RNF150: variants seen among roughly 807,000 people sequenced by gnomAD.
RNF150 encodes the protein ring finger protein 150.
Under a neutral mutation model 39.3 loss-of-function variants are expected in RNF150, and 24 were observed. The ratio of observed to expected loss-of-function variants is 0.61; its 90% CI spans 0.44 to 0.86. The LOEUF is 0.86. RNF150 is among the 40% of genes least tolerant of loss of function. The pLI is 0.00. For missense variants in RNF150, 502 were observed against 587.8 expected, an observed-to-expected ratio of 0.85 and a Z score of 1.51; for synonymous variants, 255 against 227.3, an observed-to-expected ratio of 1.12 and a Z score of -1.10.
chr4:141,092,438 T>C (rs373893084), intron 1 of RNF150, among the ~76,000 whole-genome samples: 21 of 152,328 alleles, frequency 1.4e-4, no homozygotes, highest in African/African-American at 4.1e-4. Context: ...AAAATTTGTA[T>C]TCATCACCTT....
chr4:140,888,833 T>C (rs1050243327), intron 6 of RNF150, among the ~76,000 whole-genome samples: 2 of 152,218 alleles, frequency 1.3e-5, no homozygotes, highest in Admixed American at 6.5e-5. Flanking sequence ...CATCCCTATT[T>C]CTGGCTCAAA....
At chr4:141,191,486 A>G (rs1446368382) in intron 1 of RNF150, among the ~76,000 whole-genome samples, 1 of 152,194 alleles carries the variant, frequency 6.6e-6, no homozygotes, top group Non-Finnish European at 1.5e-5. Context: ...TTGGGATAAC[A>G]CTTAGTATCT....
At chr4:140,952,011 A>C (rs932625267) in intron 2 of RNF150, among the ~76,000 whole-genome samples, 3 of 150,324 alleles carry the variant, frequency 2.0e-5, no homozygotes, top group Non-Finnish European at 4.4e-5. Context: ...AAGGGAAATA[A>C]TTTTTTTTTT....
intron 1 of RNF150, among the ~76,000 whole-genome samples, chr4:141,035,378 C>G (rs568461720): frequency 6.6e-6 from 1 of 152,174 alleles, no homozygotes; most frequent in Admixed American, 6.6e-5. Flanking sequence ...CAACATCAGG[C>G]ATGCAGTGTC....
intron 1 of RNF150, among the ~76,000 whole-genome samples, chr4:141,103,261 T>C (rs1255541197): frequency 1.3e-5 from 2 of 152,248 alleles, no homozygotes; most frequent in East Asian, 1.9e-4. Context: ...AAAATTGTTA[T>C]AGATCCTCAT....
chr4:141,201,570 CT>C (rs1728293105), intron 1 of RNF150, among the ~76,000 whole-genome samples: 5 of 152,156 alleles, frequency 3.3e-5, no homozygotes, highest in Admixed American at 2.6e-4. Context: ...ATTTTTCTCT[CT>C]GGATGTGCCA....
chr4:141,027,914 TTTTTTTTTTTTG>T (rs1391321799), intron 1 of RNF150, among the ~76,000 whole-genome samples: 1 of 54,004 alleles, frequency 1.9e-5, no homozygotes, highest in Non-Finnish European at 3.7e-5. Flanking sequence ...TGGAATTTGT[TTTTTTTTTTTTG>T]TTTTTTTTTT....
At chr4:140,919,518 C>T (rs201524904) in intron 5 of RNF150, among the ~76,000 whole-genome samples, 81,958 of 138,108 alleles carry the variant, frequency 0.59, 22,488 homozygotes, top group East Asian at 0.89. Flanking sequence ...TACAAACCAC[C>T]CCTCAATGAA....
At chr4:141,078,552 G>A (rs1737994266) in intron 1 of RNF150, among the ~76,000 whole-genome samples, 3 of 151,734 alleles carry the variant, frequency 2.0e-5, no homozygotes, top group Admixed American at 6.6e-5. Flanking sequence ...GGGAGGTCAA[G>A]GTGGGCAGAT....
intron 2 of RNF150, among the ~76,000 whole-genome samples, chr4:140,952,000 A>C (rs922647165): frequency 1.3e-5 from 2 of 152,076 alleles, no homozygotes; most frequent in Non-Finnish European, 2.9e-5. Context: ...GATTATACTC[A>C]AAGGGAAATA....
intron 1 of RNF150, among the ~76,000 whole-genome samples, chr4:141,043,337 C>T (rs1436896956): frequency 6.6e-6 from 1 of 152,168 alleles, no homozygotes; most frequent in East Asian, 1.9e-4. Flanking sequence ...CCAGTCCATA[C>T]CTAGATGACA....
chr4:141,198,178 A>T (rs1350767016), intron 1 of RNF150, among the ~76,000 whole-genome samples: 1 of 151,580 alleles, frequency 6.6e-6, no homozygotes, highest in Non-Finnish European at 1.5e-5. Flanking sequence ...GGTGTGCACC[A>T]CTAATCCAAG....
chr4:141,164,183 C>T (rs967863807), intron 1 of RNF150, among the ~76,000 whole-genome samples: 1 of 149,758 alleles, frequency 6.7e-6, no homozygotes, highest in Non-Finnish European at 1.5e-5. Flanking sequence ...CTGAATTGAT[C>T]AAGCAGAAGA....
At chr4:140,934,117 T>C (rs1407546587) in intron 4 of RNF150, among the ~76,000 whole-genome samples, 2 of 152,196 alleles carry the variant, frequency 1.3e-5, no homozygotes, top group Non-Finnish European at 2.9e-5. Context: ...TTCAAGTGTT[T>C]CTCCCACATT....
At chr4:141,089,085 G>A (rs1738475819) in intron 1 of RNF150, among the ~76,000 whole-genome samples, 1 of 152,128 alleles carries the variant, frequency 6.6e-6, no homozygotes, top group African/African-American at 2.4e-5. Context: ...TGGCCCAGAG[G>A]CCCTCAGAAA....
intron 1 of RNF150, among the ~76,000 whole-genome samples, chr4:141,166,649 GA>G (rs778005916): frequency 1.3e-5 from 2 of 152,014 alleles, no homozygotes; most frequent in Non-Finnish European, 2.9e-5. Context: ...ATATGCAAAT[GA>G]ATAAACATAA....
rs562037816 is a variant in RNF150, at chr4:141,132,129, A to G, written c.484+196T>C. ...CAAGCTCTCCGGCAGCCTCTCCCCT[A>G]CCCAATACAGTTAATCTTCTCCTCT... On this transcript the variant is annotated intron_variant, in intron 1 of 6. Coordinates refer to ENST00000515673, the MANE Select transcript of RNF150 (RefSeq NM_020724.2). The surrounding 1 kb of genome is among the most constrained non-coding windows in gnomAD (Gnocchi z 4.9). Among the ~76,000 whole-genome samples the G allele has an allele frequency of 6.6e-6, 1 of 152,036 alleles. No homozygotes were observed. Among genetic ancestry groups the G allele is most frequent in the East Asian group, 1.9e-4 (1 of 5,160 alleles).
rs181338745 is a variant in RNF150, at chr4:141,009,928, T to C, written c.485-42055A>G. Among the ~76,000 whole-genome samples the C allele has an allele frequency of 3.2e-3, 486 of 152,304 alleles. 2 individuals are homozygous for C. The highest frequency in any genetic ancestry group is 0.011 in the African/African-American group (468 of 41,550). On this transcript the variant is annotated intron_variant, in intron 1 of 6. Coordinates refer to ENST00000515673, the MANE Select transcript of RNF150 (RefSeq NM_020724.2). ...GAGCCCAGTGCTCTTCACTTCAGGG[T>C]GCAATAGATGTTGGTTGCATTTATT...
intron 1 of RNF150, among the ~76,000 whole-genome samples, chr4:140,970,354 T>C (rs1733415648): frequency 1.3e-5 from 2 of 152,200 alleles, no homozygotes; most frequent in Non-Finnish European, 2.9e-5. Flanking sequence ...TTTTGCACTT[T>C]TTGCTCTTGT....
Sources: gnomAD v4.1 joint callset for allele counts (sites outside exome capture counted in the v4.1 genomes callset) on GRCh38, gnomAD v4.1.1 for gene constraint, Gnocchi (gnomAD v3.1) non-coding constraint, MANE v1.5 for transcripts, NCBI Gene and HGNC (gene_info 2026-07-23, HGNC 2026-07-21) for gene names.